PRICKLE2: variants seen among roughly 807,000 people sequenced by gnomAD.
The protein encoded by PRICKLE2 is prickle planar cell polarity protein 2.
In PRICKLE2, 21 loss-of-function variants were observed where a neutral mutation model predicts 81.4. The ratio of observed to expected loss-of-function variants is 0.26; its 90% CI spans 0.18 to 0.37. PRICKLE2 has a LOEUF of 0.37. PRICKLE2 is among the 10% of genes least tolerant of loss of function. PRICKLE2 has a pLI of 1.00. For synonymous variants in PRICKLE2, 456 were observed against 421.5 expected, an observed-to-expected ratio of 1.08 and a Z score of -1.00; for missense variants, 940 against 1,109.0, an observed-to-expected ratio of 0.85 and a Z score of 2.16.
intron 2 of PRICKLE2, among the ~76,000 whole-genome samples, chr3:64,230,499 A>G (rs138330946): frequency 1.2e-4 from 19 of 152,352 alleles, no homozygotes; most frequent in African/African-American, 4.3e-4. Context: ...TATTTGAAAC[A>G]TGTGAAGCTT....
intron 2 of PRICKLE2, chr3:64,163,476 G>A (rs2077768251): frequency 2.7e-6 from 1 of 368,410 alleles, no homozygotes; most frequent in African/African-American, 2.1e-5. Context: ...CATTTTCTCT[G>A]TTAGTCTCCA....
At chr3:64,156,585 C>T (rs2077638788) in intron 5 of PRICKLE2, among the ~76,000 whole-genome samples, 1 of 152,120 alleles carries the variant, frequency 6.6e-6, no homozygotes, top group Admixed American at 6.5e-5. Context: ...AGAGGTTTTG[C>T]GTTCTATCCT....
intron 2 of PRICKLE2, among the ~76,000 whole-genome samples, chr3:64,245,390 A>G (rs1481302818): frequency 6.6e-6 from 1 of 152,172 alleles, no homozygotes; most frequent in Admixed American, 6.5e-5. Flanking sequence ...TCTCAATGCT[A>G]GTGGCCCTCA....
At chr3:64,211,765 T>C (rs981273332) in intron 1 of PRICKLE2, among the ~76,000 whole-genome samples, 8 of 152,218 alleles carry the variant, frequency 5.3e-5, no homozygotes, top group African/African-American at 1.9e-4. Flanking sequence ...TTAGCCACTG[T>C]GCTACAGAAG....
At chr3:64,225,652 C>T (rs979003265), upstream of PRICKLE2, among the ~76,000 whole-genome samples, 1 of 151,956 alleles carries the variant, frequency 6.6e-6, no homozygotes, top group African/African-American at 2.4e-5. Flanking sequence ...GGCCCAGCTA[C>T]GTAACCTCCA....
At chr3:64,252,726 C>T (rs1274122037) in intron 2 of PRICKLE2, among the ~76,000 whole-genome samples, 1 of 152,138 alleles carries the variant, frequency 6.6e-6, no homozygotes, top group Non-Finnish European at 1.5e-5. Context: ...CATTTCCTTT[C>T]TCTGGATCTT....
At chr3:64,205,096 T>G (rs2078658995) in intron 1 of PRICKLE2, among the ~76,000 whole-genome samples, 1 of 75,862 alleles carries the variant, frequency 1.3e-5, no homozygotes, top group Non-Finnish European at 3.3e-5. Flanking sequence ...AAAGCAGGAT[T>G]TCGTTAAAAA....
chr3:64,181,065 C>T (rs697277), intron 2 of PRICKLE2, among the ~76,000 whole-genome samples: 101,169 of 152,052 alleles, frequency 0.67, 34,854 homozygotes, highest in East Asian at 0.96. Context: ...GCAACTCATT[C>T]GTGTGTAGCA....
At chr3:64,109,216 G>A (rs1327308642) in intron 7 of PRICKLE2, among the ~76,000 whole-genome samples, 1 of 152,010 alleles carries the variant, frequency 6.6e-6, no homozygotes, top group Admixed American at 6.6e-5. Flanking sequence ...GGTTGGGTGT[G>A]GTATGTCCCC....
At chr3:64,125,656 G>A (rs1439489890) in intron 7 of PRICKLE2, among the ~76,000 whole-genome samples, 1 of 152,168 alleles carries the variant, frequency 6.6e-6, no homozygotes. Flanking sequence ...TTAAATTAAT[G>A]TACACTTTTT....
At position 64,097,389 on chromosome 3, in the gene PRICKLE2, T is replaced by C. The variant is rs1287396714; in HGVS notation, c.*1662A>G. On this transcript the variant is annotated 3_prime_UTR_variant, in exon 8 of 8. Coordinates refer to ENST00000638394, the MANE Select transcript of PRICKLE2 (RefSeq NM_198859.4). ...ATCACGCTCACCTCACCATGGCAGATGGCCACTGAGATACACCGGGCACTA... is the reference window on the plus strand; with the variant it reads ...ATCACGCTCACCTCACCATGGCAGACGGCCACTGAGATACACCGGGCACTA... The C allele has an allele frequency of 3.3e-5, 5 of 152,556 alleles. No individual in the cohort carries two copies. The highest frequency in any genetic ancestry group is 5.9e-5 in the Non-Finnish European group (4 of 68,044). The allele number at this position is 152,556 out of a possible 1,614,324, so 9.5% of individuals were successfully genotyped here.
rs575414554 is a variant in PRICKLE2, at chr3:64,098,986, C to T, written c.*65G>A. ...CCCAAAAGCGCTTTAACATTTAAAACAGTGCAAGTTTCTGACTTTACATTC... is the reference window on the plus strand; with the variant it reads ...CCCAAAAGCGCTTTAACATTTAAAATAGTGCAAGTTTCTGACTTTACATTC... On this transcript the variant is annotated 3_prime_UTR_variant, in exon 8 of 8. Coordinates refer to ENST00000638394, the MANE Select transcript of PRICKLE2 (RefSeq NM_198859.4). 2.0e-4 allele frequency: 321 copies of T among 1,597,548 alleles called. No individual in the cohort carries two copies. Among genetic ancestry groups the T allele is most frequent in the Non-Finnish European group, 2.7e-4 (316 of 1,165,782 alleles).
At chr3:64,264,442 G>C (rs922978243) in intron 2 of PRICKLE2, among the ~76,000 whole-genome samples, 5 of 152,172 alleles carry the variant, frequency 3.3e-5, no homozygotes, top group Admixed American at 3.3e-4. Context: ...GCACTATAAA[G>C]TCTGAGAAAG....
intron 7 of PRICKLE2, among the ~76,000 whole-genome samples, chr3:64,124,298 G>T (rs537627573): frequency 6.6e-6 from 1 of 152,302 alleles, no homozygotes; most frequent in Non-Finnish European, 1.5e-5. Context: ...TGGTTCATGA[G>T]GTTTAAGGAA....
chr3:64,121,988 T>A (rs2077035893), intron 7 of PRICKLE2, among the ~76,000 whole-genome samples: 2 of 152,208 alleles, frequency 1.3e-5, no homozygotes, highest in South Asian at 4.1e-4. Context: ...GTGATTTTGA[T>A]TCCAGATACC....
At chr3:64,108,310 A>G (rs920165622) in intron 7 of PRICKLE2, among the ~76,000 whole-genome samples, 1 of 152,196 alleles carries the variant, frequency 6.6e-6, no homozygotes, top group African/African-American at 2.4e-5. Context: ...CCCAAGGTAC[A>G]TATTTGTTTG....
At chr3:64,207,143 TC>T (rs757303086) in intron 1 of PRICKLE2, among the ~76,000 whole-genome samples, 23 of 152,278 alleles carry the variant, frequency 1.5e-4, no homozygotes, top group Non-Finnish European at 2.8e-4. Flanking sequence ...CAAGCAATCC[TC>T]CTGACTCAGC....
intron 1 of PRICKLE2, among the ~76,000 whole-genome samples, chr3:64,209,317 C>T (rs2078747676): frequency 6.6e-6 from 1 of 152,034 alleles, no homozygotes; most frequent in Non-Finnish European, 1.5e-5. Context: ...TCCATACATA[C>T]ATCCATATTT....
chr3:64,247,906 G>C (rs1248442914), intron 2 of PRICKLE2, among the ~76,000 whole-genome samples: 1 of 152,134 alleles, frequency 6.6e-6, no homozygotes, highest in African/African-American at 2.4e-5. Flanking sequence ...CTTGGGTCTG[G>C]ACTGTTTTTT....
Sources: allele counts gnomAD v4.1 joint callset (sites outside exome capture counted in the v4.1 genomes callset), GRCh38; gene constraint gnomAD v4.1.1; transcripts MANE v1.5; gene names NCBI Gene and HGNC (gene_info 2026-07-23, HGNC 2026-07-21).